RYR3: variants seen among roughly 807,000 people sequenced by gnomAD.
RYR3 encodes brain ryanodine receptor-calcium release channel.
In RYR3, 207 loss-of-function variants were observed where a neutral mutation model predicts 584.3. The ratio of observed to expected loss-of-function variants is 0.35; its 90% CI spans 0.32 to 0.40. The LOEUF is 0.40. RYR3 is among the 10% of genes least tolerant of loss of function. RYR3 has a pLI of 1.00. For missense variants in RYR3, 5,616 were observed against 6,089.2 expected, an observed-to-expected ratio of 0.92 and a Z score of 2.59; for synonymous variants, 2,416 against 2,248.5, an observed-to-expected ratio of 1.07 and a Z score of -2.11.
chr15:33,836,827 A>G, intron 87 of RYR3, 79 bp from the exon 88 acceptor site: 1 of 1,119,874 alleles, frequency 8.9e-7, no homozygotes, highest in Non-Finnish European at 1.3e-6. Context: ...ACCTTTCCAG[A>G]GCAGGCTCTT....
chr15:33,425,912 G>C lies in RYR3; in HGVS notation c.52-47507G>C, dbSNP rs1189676700. Among the ~76,000 whole-genome samples, 4 of 152,230 alleles carry C rather than the reference G, an allele frequency of 2.6e-5. No homozygotes were observed. In the East Asian group the frequency reaches 7.7e-4, roughly 29 times the overall value. The stretch of plus-strand genomic sequence containing the variant: ...CCGCCTTGGCCTCCCAAAGTGCTCG[G>C]ATTACAGGCATGAGCCACCGCGCCT... On this transcript the variant is annotated intron_variant, in intron 1 of 103. Coordinates refer to ENST00000634891, the MANE Select transcript of RYR3 (RefSeq NM_001036.6).
At chr15:33,770,356 G>GTTTTTTGTTTGTTTGTTT (rs1555450014) in intron 62 of RYR3, among the ~76,000 whole-genome samples, 1 of 152,192 alleles carries the variant, frequency 6.6e-6, no homozygotes, top group Non-Finnish European at 1.5e-5. Flanking sequence ...AGAGAGTCCA[G>GTTTTTTGTTTGTTTGTTT]TTTTTTGTTT....
rs1265597216 is a variant in RYR3 at position 33,794,155 on chromosome 15, A to C, written c.9830+5697A>C. Among the ~76,000 whole-genome samples, 5 of 90,946 alleles carry C rather than the reference A, an allele frequency of 5.5e-5. No individual in the cohort carries two copies. The East Asian group carries it at 2.7e-3, about 49-fold the overall frequency. The allele number at this position is 90,946 out of a possible 152,430, so 59.7% of individuals were successfully genotyped here. A position where few individuals can be genotyped will look rare whatever the true frequency, so the allele number is the denominator to read the frequency against. On this transcript the variant is annotated intron_variant, in intron 67 of 103. Coordinates refer to ENST00000634891, the MANE Select transcript of RYR3 (RefSeq NM_001036.6). Reference sequence around the variant, plus strand: ...TATATATAATATACATAAATATATAATATATAATATATACAAATATACATT... The same window carrying C: ...TATATATAATATACATAAATATATACTATATAATATATACAAATATACATT...
chr15:33,315,699 A>G (rs1012144669), intron 1 of RYR3, among the ~76,000 whole-genome samples: 4 of 152,172 alleles, frequency 2.6e-5, no homozygotes, highest in African/African-American at 9.7e-5. Flanking sequence ...GTTCCCGGTG[A>G]GGTGAGAAGG....
Position 33,802,418 on chromosome 15 carries a change from T to C in RYR3, c.10011+457T>C, listed in dbSNP as rs551909881. 2.0e-5 allele frequency among the ~76,000 whole-genome samples: 3 copies of C among 152,354 alleles called. No homozygotes were observed. In the South Asian group the frequency reaches 6.2e-4, roughly 32 times the overall value. ...TCTGTAATATCCAATACCTGTTTTA[T>C]TTCAGCTGTGTTGATCTCTTAATGC... is the stretch of plus-strand genomic sequence containing the variant. On this transcript the variant is annotated intron_variant, in intron 69 of 103. Transcript: ENST00000634891.
At position 33,490,798 on chromosome 15, in the gene RYR3, A is replaced by T. The variant is rs2050904384; in HGVS notation, c.172-12833A>T. On this transcript the variant is annotated intron_variant, in intron 2 of 103. Coordinates refer to ENST00000634891, the MANE Select transcript of RYR3 (RefSeq NM_001036.6). ...TGAGAACTTTTTGATGTTTATGAGA[A>T]TTTTTACAACCTTCTCTGGTCAATT... Among the ~76,000 whole-genome samples, 3 of 151,738 alleles carry T rather than the reference A, an allele frequency of 2.0e-5. No individual in the cohort carries two copies. In the South Asian group the frequency reaches 6.2e-4, roughly 32 times the overall value.
chr15:33,489,528 A>G (rs916412082), intron 2 of RYR3, among the ~76,000 whole-genome samples: 5 of 152,226 alleles, frequency 3.3e-5, no homozygotes, highest in Non-Finnish European at 7.3e-5. Context: ...TTCCCACAAA[A>G]GACGTAACAT....
At chr15:33,409,347 T>A (rs1374941625) in intron 1 of RYR3, among the ~76,000 whole-genome samples, 2 of 141,832 alleles carry the variant, frequency 1.4e-5, no homozygotes, top group East Asian at 2.0e-4. Context: ...TCAAAAAATC[T>A]AAAAAAAAAA....
chr15:33,327,918 T>G (rs1969921761), intron 1 of RYR3, among the ~76,000 whole-genome samples: 1 of 152,224 alleles, frequency 6.6e-6, no homozygotes, highest in African/African-American at 2.4e-5. Flanking sequence ...ACCTAGTTAC[T>G]TATGAAAATC....
chr15:33,591,421 A>G (rs1595740527), intron 16 of RYR3, among the ~76,000 whole-genome samples: 1 of 149,976 alleles, frequency 6.7e-6, no homozygotes, highest in Non-Finnish European at 1.5e-5. Flanking sequence ...GATGTTGTAC[A>G]TGGCAAGCAT....
At chr15:33,315,870 T>A (rs566453608) in intron 1 of RYR3, among the ~76,000 whole-genome samples, 1 of 152,210 alleles carries the variant, frequency 6.6e-6, no homozygotes, top group African/African-American at 2.4e-5. Flanking sequence ...GAGGTGGTGA[T>A]GACTGCAAAC....
intron 1 of RYR3, among the ~76,000 whole-genome samples, chr15:33,395,698 A>G (rs2042255821): frequency 6.6e-6 from 1 of 152,148 alleles, no homozygotes; most frequent in Non-Finnish European, 1.5e-5. Flanking sequence ...CTGTGCAATG[A>G]TGAACATGGA....
Position 33,660,347 on chromosome 15 carries a change from A to T in RYR3, c.4546A>T (p.Ser1516Cys). The change falls in exon 34 of 104, where the codon AGC (serine) becomes TGC (cysteine). Residue 1516 changes from serine to cysteine, a missense_variant. Ser to Cys is a moderately radical substitution (Grantham distance 112, BLOSUM62 -1). Around this residue, in one of 9 missense-constraint regions of RYR3, gnomAD observed 753 missense variants for 741.0 expected, o/e 1.02. Coordinates refer to ENST00000634891, the MANE Select transcript of RYR3 (RefSeq NM_001036.6). The stretch of plus-strand genomic sequence containing the variant: ...CCTGAAGGTGGAGACCGAGCGTGTG[A>T]GCGAGCGCCACGGCTGGGTGGTGCA... The part of the protein sequence containing the change: ...SFLKVETERV[S>C]ERHGWVVQCL... The T allele has an allele frequency of 6.3e-7, 1 of 1,592,630 alleles. No individual in the cohort carries two copies. Among genetic ancestry groups the T allele is most frequent in the East Asian group, 2.3e-5 (1 of 43,746 alleles).
chr15:33,466,792 C>A (rs368299199), intron 1 of RYR3, among the ~76,000 whole-genome samples: 1 of 152,106 alleles, frequency 6.6e-6, no homozygotes, highest in Non-Finnish European at 1.5e-5. Flanking sequence ...TCAGAACATA[C>A]GATTCTTTCA....
intron 100 of RYR3, 44 bp from the exon 101 acceptor site, chr15:33,860,551 G>C (rs1440295706): frequency 2.5e-6 from 3 of 1,216,840 alleles, no homozygotes; most frequent in Non-Finnish European, 3.4e-6. Context: ...CTCTACCCCT[G>C]AACCACTACA....
rs914652980 is a variant in RYR3 at position 33,311,081 on chromosome 15, C to G, written c.36C>G (p.Ile12Met). 1.3e-6 allele frequency: 2 copies of G among 1,582,634 alleles called. No individual in the cohort carries two copies. The highest frequency in any genetic ancestry group is 2.8e-5 in the African/African-American group (2 of 72,172). Residue 12 changes from isoleucine (I) to methionine (M), a missense_variant, in exon 1 of 104, where the codon ATC (isoleucine) becomes ATG (methionine). Physicochemically the swap from Ile to Met is conservative, Grantham distance 10. Around this residue, in one of 9 missense-constraint regions of RYR3, gnomAD observed 1,284 missense variants for 1,344.6 expected, o/e 0.95. Transcript: ENST00000634891. This position sits in a 1 kb window ranked among gnomAD's most constrained non-coding sequence, Gnocchi z 4.4. ...GGGGAGAAGGAGGCGAGGACGAGAT[C>G]CAGTTTCTGAGGACTGTGAGTCTCC... The part of the protein sequence containing the change: ...AEGGEGGEDE[I>M]QFLRTEDEVV...
intron 63 of RYR3, among the ~76,000 whole-genome samples, chr15:33,772,523 T>C (rs1404498513): frequency 6.6e-6 from 1 of 152,184 alleles, no homozygotes; most frequent in Admixed American, 6.5e-5. Flanking sequence ...ATTTTTCTTA[T>C]TAAGAAGACT....
At chr15:33,409,701 G>A (rs2043272023) in intron 1 of RYR3, among the ~76,000 whole-genome samples, 1 of 152,162 alleles carries the variant, frequency 6.6e-6, no homozygotes, top group Admixed American at 6.5e-5. Context: ...TTTCATCTTG[G>A]CCAGAGGTGG....
intron 1 of RYR3, among the ~76,000 whole-genome samples, chr15:33,348,713 T>G (rs1972796086): frequency 6.6e-6 from 1 of 151,988 alleles, no homozygotes; most frequent in Non-Finnish European, 1.5e-5. Flanking sequence ...TGACCACAAG[T>G]GATCTGCCCA....
Sources: gnomAD v4.1 joint callset for allele counts (sites outside exome capture counted in the v4.1 genomes callset) on GRCh38, gnomAD v4.1.1 for gene constraint, gnomAD v4.1.1 regional missense constraint, Gnocchi (gnomAD v3.1) non-coding constraint, MANE v1.5 for transcripts, NCBI Gene and HGNC (gene_info 2026-07-23, HGNC 2026-07-21) for gene names.